The following GMEB1 variants were observed in gnomAD, a reference collection of about 807,000 sequenced individuals.
The protein encoded by GMEB1 is glucocorticoid modulatory element-binding protein 1.
A neutral mutation model predicts 52.4 loss-of-function variants in GMEB1; 6 were observed. The observed-to-expected ratio is 0.11, with a 90% confidence interval of 0.06 to 0.23. The LOEUF (loss-of-function observed/expected upper bound fraction) is 0.23, where lower values mean the gene tolerates loss of function less well. Ranked by LOEUF, GMEB1 falls within the 10% of genes least tolerant of loss-of-function variation. The pLI, the probability that GMEB1 is intolerant of heterozygous loss-of-function variation, is 1.00. For missense variants in GMEB1, 486 were observed against 685.6 expected (o/e 0.71, Z 3.25); for synonymous variants, 255 against 244.9 (o/e 1.04, Z -0.38).
At position 28,672,864 on chromosome 1, in the gene GMEB1, C is replaced by T. The variant is rs542267718; in HGVS notation, c.-31+4025C>T. Among the ~76,000 whole-genome samples the T allele has an allele frequency of 5.3e-5, 8 of 151,480 alleles. No individual in the cohort carries two copies. In the South Asian group the frequency reaches 6.3e-4, roughly 12 times the overall value. ...AAGTGATTCTCCTGCCTCAGCCTCC[C>T]GAGTACTGGGACTACAGGCACATGC... On this transcript the variant is annotated intron_variant, in intron 1 of 9. Coordinates refer to ENST00000373816, the MANE Select transcript of GMEB1 (RefSeq NM_001319674.2).
Position 28,704,336 on chromosome 1 carries a change from G to A in GMEB1, c.868+7G>A. 1 of 1,608,984 alleles carries A rather than the reference G, an allele frequency of 6.2e-7. No individual in the cohort carries two copies. Among genetic ancestry groups the A allele is most frequent in the Non-Finnish European group, 8.5e-7 (1 of 1,177,612 alleles). ...GCTCCCTTCCAAGTCACAGGTAAGT[G>A]CACTAATCCTAACAGTAGCAGTGAT... On this transcript the variant is annotated splice_region_variant and intron_variant, in intron 8 of 9. Coordinates refer to ENST00000373816, the MANE Select transcript of GMEB1 (RefSeq NM_001319674.2).
Position 28,715,591 on chromosome 1 carries a change from G to C in GMEB1, c.*818G>C. 1 of 140,256 alleles carries C rather than the reference G, an allele frequency of 7.1e-6. No individual in the cohort carries two copies. Among genetic ancestry groups the C allele is most frequent in the Non-Finnish European group, 1.5e-5 (1 of 66,118 alleles). The allele number at this position is 140,256 out of a possible 1,614,324, so 8.7% of individuals were successfully genotyped here. ...GCACTCCAGCCTGGGCAACAAGAGC[G>C]AGACTCCATCTCAAAAAAAAAAAAA... On this transcript the variant is annotated 3_prime_UTR_variant, in exon 10 of 10. Coordinates refer to ENST00000373816, the MANE Select transcript of GMEB1 (RefSeq NM_001319674.2).
chr1:28,674,275 G>A lies in GMEB1; in HGVS notation c.-31+5436G>A, dbSNP rs545282418. 2.1e-4 allele frequency among the ~76,000 whole-genome samples: 32 copies of A among 152,220 alleles called. 1 individual carries two copies. The South Asian group carries it at 6.6e-3, about 32-fold the overall frequency. ...GATCACTTGAGGCCCCAAGGTCGGG[G>A]CTGCAGTGAGCCAAAAACACTGTAC... On this transcript the variant is annotated intron_variant, in intron 1 of 9. Transcript: ENST00000373816.
At chr1:28,679,544 T>C (rs1669302435) in intron 1 of GMEB1, among the ~76,000 whole-genome samples, 1 of 152,154 alleles carries the variant, frequency 6.6e-6, no homozygotes, top group South Asian at 2.1e-4. Context: ...TTGCAGTTAA[T>C]TTTTTCCCTG....
At chr1:28,707,277 T>C (rs1298732376) in intron 8 of GMEB1, among the ~76,000 whole-genome samples, 1 of 152,078 alleles carries the variant, frequency 6.6e-6, no homozygotes, top group Non-Finnish European at 1.5e-5. Context: ...CCACTGTGCC[T>C]GTAAAATTTT....
Position 28,711,599 on chromosome 1 carries a change from G to T in GMEB1, c.991+957G>T, listed in dbSNP as rs149295399. On this transcript the variant is annotated intron_variant, in intron 9 of 9. Coordinates refer to ENST00000373816, the MANE Select transcript of GMEB1 (RefSeq NM_001319674.2). ...AGCCTCCTGAATAGCTGGGACTACA[G>T]GCATGTACCACCGTGCCCAGCTGTT... Among the ~76,000 whole-genome samples, 712 of 152,120 alleles carry T rather than the reference G, an allele frequency of 4.7e-3. 6 individuals are homozygous for T. Among genetic ancestry groups the T allele is most frequent in the Non-Finnish European group, 5.4e-3 (366 of 67,992 alleles).
At chr1:28,692,760 A>G (rs1670023625) in intron 4 of GMEB1, among the ~76,000 whole-genome samples, 182 bp from the exon 5 acceptor site, 1 of 152,070 alleles carries the variant, frequency 6.6e-6, no homozygotes, top group South Asian at 2.1e-4. Context: ...AGGAATTGAG[A>G]CTATGCTCAG....
intron 1 of GMEB1, among the ~76,000 whole-genome samples, chr1:28,678,078 G>A (rs572396499): frequency 6.6e-6 from 1 of 151,924 alleles, no homozygotes; most frequent in Admixed American, 6.6e-5. Context: ...CAGCTACTCG[G>A]GAGGCTGAGG....
Position 28,691,474 on chromosome 1 carries a change from C to G in GMEB1, c.212-111C>G, listed in dbSNP as rs1669959974. 2.4e-5 allele frequency: 15 copies of G among 622,900 alleles called. No homozygotes were observed. In the South Asian group the frequency reaches 5.0e-4, roughly 21 times the overall value. The allele number at this position is 622,900 out of a possible 1,614,324, so 38.6% of individuals were successfully genotyped here. On this transcript the variant is annotated intron_variant, in intron 3 of 9. Coordinates refer to ENST00000373816, the MANE Select transcript of GMEB1 (RefSeq NM_001319674.2). ...CTTCCAGAGGATTCCTAAATGATACCAGCAAGAGTGAAGTATTAGTCCCTT... is the reference window on the plus strand; with the variant it reads ...CTTCCAGAGGATTCCTAAATGATACGAGCAAGAGTGAAGTATTAGTCCCTT...
At position 28,714,394 on chromosome 1, in the gene GMEB1, A is replaced by G. The variant is rs1671196697; in HGVS notation, c.1313A>G (p.Tyr438Cys). The G allele has an allele frequency of 2.5e-6, 4 of 1,614,186 alleles. No individual in the cohort carries two copies. Among genetic ancestry groups the G allele is most frequent in the Non-Finnish European group, 3.4e-6 (4 of 1,180,030 alleles). ...TLPSGPQLFR[Y>C]ATVVSSAKSS... ...CCTTCTGGCCCTCAGCTCTTCCGCTATGCCACAGTGGTCTCCTCTGCCAAG... is the reference window on the plus strand; with the variant it reads ...CCTTCTGGCCCTCAGCTCTTCCGCTGTGCCACAGTGGTCTCCTCTGCCAAG... Residue 438 changes from tyrosine to cysteine, a missense_variant, in exon 10 of 10, where the codon TAT becomes TGT. Physicochemically the swap from Tyr to Cys is radical, Grantham distance 194 (BLOSUM62 -2). Transcript: ENST00000373816.
rs182415687 is a variant in GMEB1 at position 28,673,344 on chromosome 1, C to T, written c.-31+4505C>T. Among the ~76,000 whole-genome samples, 8 of 152,226 alleles carry T rather than the reference C, an allele frequency of 5.3e-5. No individual in the cohort carries two copies. The East Asian group carries it at 1.5e-3, about 29-fold the overall frequency. On this transcript the variant is annotated intron_variant, in intron 1 of 9. Transcript: ENST00000373816. ...CGTTCTTGTCTCACTGTAACCTCCGCCTCCTGGGTTCAAGCGATTCTCCTG... is the reference window on the plus strand; with the variant it reads ...CGTTCTTGTCTCACTGTAACCTCCGTCTCCTGGGTTCAAGCGATTCTCCTG...
chr1:28,668,715 G>C (rs951767199), upstream of GMEB1: 2 of 153,888 alleles, frequency 1.3e-5, no homozygotes, highest in African/African-American at 4.8e-5. Context: ...CTCCGGCGGC[G>C]GCGGCCGGAA....
chr1:28,707,765 G>C (rs1348726227), intron 8 of GMEB1, among the ~76,000 whole-genome samples: 1 of 152,184 alleles, frequency 6.6e-6, no homozygotes, highest in Non-Finnish European at 1.5e-5. Flanking sequence ...AAAGAGGTCA[G>C]GGCTGGAGAT....
intron 9 of GMEB1, among the ~76,000 whole-genome samples, chr1:28,712,414 C>G (rs555483021): frequency 1.3e-5 from 2 of 152,078 alleles, no homozygotes; most frequent in Non-Finnish European, 2.9e-5. Context: ...CTTGGAGGTT[C>G]GGGGGGAGGG....
chr1:28,707,941 C>T (rs1035397823), intron 8 of GMEB1, among the ~76,000 whole-genome samples: 47 of 151,832 alleles, frequency 3.1e-4, no homozygotes, highest in African/African-American at 1.1e-3. Context: ...CTCTGTCATC[C>T]AGGCTAGAGT....
chr1:28,683,778 G>A (rs773615760), intron 2 of GMEB1, 38 bp downstream of exon 2: 13 of 1,604,610 alleles, frequency 8.1e-6, no homozygotes, highest in Non-Finnish European at 1.0e-5. Context: ...GAAGTATTTT[G>A]GGAAGCTTCA....
At chr1:28,671,065 C>T (rs1233062810) in intron 1 of GMEB1, among the ~76,000 whole-genome samples, 1 of 152,120 alleles carries the variant, frequency 6.6e-6, no homozygotes, top group African/African-American at 2.4e-5. Flanking sequence ...AGAATTTCAC[C>T]TCCTCTGGAT....
chr1:28,712,083 C>T (rs1490181158), intron 9 of GMEB1, among the ~76,000 whole-genome samples: 1 of 152,150 alleles, frequency 6.6e-6, no homozygotes, highest in African/African-American at 2.4e-5. Context: ...GGGGTTCCCA[C>T]AATCACCTTC....
rs760436748 is a variant in GMEB1, at chr1:28,710,468, T to G, written c.869-52T>G. On this transcript the variant is annotated intron_variant, in intron 8 of 9. Coordinates refer to ENST00000373816, the MANE Select transcript of GMEB1 (RefSeq NM_001319674.2). ...TATTTATAAACAGCACAATGGAGAG[T>G]GGTGGAACATATCTGTTTTAACTGG... 5 of 1,447,704 alleles carry G rather than the reference T, an allele frequency of 3.5e-6. No homozygotes were observed. The African/African-American group carries it at 7.2e-5, about 21-fold the overall frequency. 89.7% of individuals were successfully genotyped at this position (1,447,704 alleles called of 1,614,324 possible).
Sources: gnomAD v4.1 joint callset for allele counts (sites outside exome capture counted in the v4.1 genomes callset) on GRCh38, gnomAD v4.1.1 for gene constraint, MANE v1.5 for transcripts, NCBI Gene and HGNC (gene_info 2026-07-23, HGNC 2026-07-21) for gene names.